The following CCDC148 variants were observed in gnomAD, a reference collection of about 807,000 sequenced individuals.
CCDC148 encodes coiled-coil domain-containing protein 148.
CCDC148 carries 89 observed loss-of-function variants against 85.7 expected under a neutral mutation model. The observed-to-expected ratio is 1.04, with a 90% CI of 0.87 to 1.24. CCDC148 has a LOEUF of 1.24. CCDC148 is among the 50% of genes most tolerant of loss of function. The pLI is 0.00. For missense variants in CCDC148, 692 were observed against 671.7 expected (o/e 1.03, Z -0.33); for synonymous variants, 230 against 213.9 (o/e 1.08, Z -0.66).
intron 1 of CCDC148, among the ~76,000 whole-genome samples, chr2:158,371,537 T>A (rs1684440785): frequency 1.3e-5 from 2 of 152,006 alleles, no homozygotes; most frequent in African/African-American, 4.8e-5. Context: ...TTCAAAGAAT[T>A]TCTATGCATT....
chr2:158,387,408 A>C (rs937750919), intron 1 of CCDC148, among the ~76,000 whole-genome samples: 2 of 151,994 alleles, frequency 1.3e-5, no homozygotes, highest in Non-Finnish European at 2.9e-5. Context: ...TTCTTTCTCC[A>C]ACAGTGAGAA....
chr2:158,197,303 AGC>A (rs1476734729), intron 11 of CCDC148, among the ~76,000 whole-genome samples: 2 of 152,144 alleles, frequency 1.3e-5, no homozygotes, highest in African/African-American at 4.8e-5. Flanking sequence ...ATCCCACAGA[AGC>A]TGAATTTGAA....
intron 9 of CCDC148, among the ~76,000 whole-genome samples, chr2:158,278,195 T>C (rs2685647): frequency 0.92 from 139,813 of 151,884 alleles, 64,410 homozygotes; most frequent in East Asian, 0.98. Context: ...CCAGTGTGAG[T>C]GACGCAGAAG....
At chr2:158,351,631 C>T (rs1178955506) in intron 2 of CCDC148, among the ~76,000 whole-genome samples, 177 of 150,254 alleles carry the variant, frequency 1.2e-3, no homozygotes, top group African/African-American at 3.7e-3. Flanking sequence ...AACTGCAAGG[C>T]GGCAGCGAGG....
Position 158,244,865 on chromosome 2 carries a change from G to A in CCDC148, c.1251+5907C>T, listed in dbSNP as rs368887381. On this transcript the variant is annotated intron_variant, in intron 10 of 13. Coordinates refer to ENST00000283233, the MANE Select transcript of CCDC148 (RefSeq NM_138803.4). ...CTTATTTTGGTGTTATTCATTGACC[G>A]ACCCCTTTAAATTCAACAATCCTGA... Among the ~76,000 whole-genome samples the A allele has an allele frequency of 2.1e-4, 32 of 152,184 alleles. 1 individual carries two copies. The highest frequency in any genetic ancestry group is 9.8e-4 in the Admixed American group (15 of 15,274).
chr2:158,341,874 T>C (rs1682712710), intron 3 of CCDC148, among the ~76,000 whole-genome samples: 2 of 150,644 alleles, frequency 1.3e-5, no homozygotes, highest in African/African-American at 4.8e-5. Context: ...CACATGGTCA[T>C]AACATGGCAT....
intron 9 of CCDC148, among the ~76,000 whole-genome samples, chr2:158,279,469 C>A (rs976929209): frequency 1.3e-5 from 2 of 151,966 alleles, no homozygotes; most frequent in Non-Finnish European, 2.9e-5. Context: ...ATGAGAACTA[C>A]GTGAAGAATG....
intron 9 of CCDC148, among the ~76,000 whole-genome samples, chr2:158,264,956 C>G (rs1430199651): frequency 6.6e-6 from 1 of 152,080 alleles, no homozygotes; most frequent in Non-Finnish European, 1.5e-5. Context: ...TTCTAAATGA[C>G]AGCTCCACCA....
chr2:158,399,477 C>T (rs577343281), intron 1 of CCDC148, among the ~76,000 whole-genome samples: 1 of 152,076 alleles, frequency 6.6e-6, no homozygotes, highest in Non-Finnish European at 1.5e-5. Context: ...TCAACATATG[C>T]AAATCAATAA....
chr2:158,195,142 T>C (rs1685608603), intron 11 of CCDC148, among the ~76,000 whole-genome samples: 3 of 152,050 alleles, frequency 2.0e-5, no homozygotes. Flanking sequence ...TCCTGAAAGA[T>C]ATTTCCAGTT....
At chr2:158,347,236 T>G (rs1469224184) in intron 2 of CCDC148, among the ~76,000 whole-genome samples, 1 of 152,060 alleles carries the variant, frequency 6.6e-6, no homozygotes, top group African/African-American at 2.4e-5. Flanking sequence ...ACAAAAAAAT[T>G]AAAATACATT....
At chr2:158,187,093 T>C (rs957650320) in intron 11 of CCDC148, among the ~76,000 whole-genome samples, 3 of 152,064 alleles carry the variant, frequency 2.0e-5, no homozygotes, top group African/African-American at 2.4e-5. Flanking sequence ...TTCTACATCA[T>C]GGCTAACTCT....
chr2:158,336,441 G>A (rs1288580280), intron 7 of CCDC148, among the ~76,000 whole-genome samples: 2 of 152,016 alleles, frequency 1.3e-5, no homozygotes, highest in African/African-American at 4.8e-5. Context: ...TATTTGGTTA[G>A]GGTACATGTA....
At chr2:158,192,640 G>A in intron 11 of CCDC148, among the ~76,000 whole-genome samples, 1 of 151,944 alleles carries the variant, frequency 6.6e-6, no homozygotes, top group Admixed American at 6.6e-5. Flanking sequence ...AGGCTCCTTA[G>A]GAAAAGAGCT....
chr2:158,280,964 T>A (rs1252842874), intron 9 of CCDC148, among the ~76,000 whole-genome samples: 2 of 152,128 alleles, frequency 1.3e-5, no homozygotes, highest in Non-Finnish European at 2.9e-5. Flanking sequence ...GAACTCAGGA[T>A]TAAGGAACTC....
intron 1 of CCDC148, among the ~76,000 whole-genome samples, chr2:158,435,962 C>T (rs900714263): frequency 5.3e-5 from 8 of 152,130 alleles, no homozygotes; most frequent in Non-Finnish European, 1.2e-4. Flanking sequence ...TACAGGAGCA[C>T]CCAGATTCAT....
At chr2:158,277,860 G>GAGTTATGTTTT (rs1395855849) in intron 9 of CCDC148, among the ~76,000 whole-genome samples, 3 of 151,956 alleles carry the variant, frequency 2.0e-5, no homozygotes, top group Non-Finnish European at 4.4e-5. Context: ...CCTCCCAAAG[G>GAGTTATGTTTT]AGTTATGTTT....
chr2:158,316,367 A>G (rs1304948541), intron 7 of CCDC148, among the ~76,000 whole-genome samples: 1 of 152,212 alleles, frequency 6.6e-6, no homozygotes, highest in African/African-American at 2.4e-5. Flanking sequence ...ATTAGCTGCC[A>G]TTTTAGTGAC....
intron 10 of CCDC148, among the ~76,000 whole-genome samples, chr2:158,225,549 T>C (rs1687464422): frequency 6.6e-6 from 1 of 152,204 alleles, no homozygotes; most frequent in African/African-American, 2.4e-5. Context: ...GACCACATAG[T>C]TGGAAGTAAA....
Sources: gnomAD v4.1 joint callset for allele counts (sites outside exome capture counted in the v4.1 genomes callset) on GRCh38, gnomAD v4.1.1 for gene constraint, MANE v1.5 for transcripts, NCBI Gene and HGNC (gene_info 2026-07-23, HGNC 2026-07-21) for gene names.